The following JPH3 variants were observed in gnomAD, a reference collection of about 807,000 sequenced individuals.
JPH3 encodes the protein junctophilin 3.
Under a neutral mutation model 59.6 loss-of-function variants are expected in JPH3, and 11 were observed. The observed-to-expected ratio is 0.18, with a 90% CI of 0.12 to 0.31. The LOEUF is 0.31. Among genes scored for constraint, JPH3 ranks in the 10% least tolerant of loss-of-function variants. The pLI is 1.00. For synonymous variants in JPH3, 673 were observed against 483.6 expected, an observed-to-expected ratio of 1.39 and a Z score of -5.14; for missense variants, 1,202 against 1,105.7, an observed-to-expected ratio of 1.09 and a Z score of -1.24.
rs762100791 is a variant in JPH3 at position 87,689,796 on chromosome 16, G to C, written c.1436G>C (p.Ser479Thr). 1 of 1,600,410 alleles carries C rather than the reference G, an allele frequency of 6.2e-7. No individual in the cohort carries two copies. The highest frequency in any genetic ancestry group is 8.5e-7 in the Non-Finnish European group (1 of 1,173,232). ...ACCCCCGACGACAGCCCCCTGCAGA[G>C]CTTCCCCACCAGCCCCGCGGCCACC... ...DLTPDDSPLQ[S>T]FPTSPAATPP... Residue 479 changes from serine (S) to threonine (T), a missense_variant, in exon 4 of 5, where the codon AGC (serine) becomes ACC (threonine). By Grantham distance (58) the Ser-to-Thr change is moderately conservative (BLOSUM62 1). Transcript: ENST00000284262.
intron 2 of JPH3, among the ~76,000 whole-genome samples, chr16:87,668,999 C>T (rs931570624): frequency 6.6e-6 from 1 of 152,078 alleles, no homozygotes; most frequent in Non-Finnish European, 1.5e-5. Context: ...GGAGGTCCTG[C>T]GAGGCGAGGC....
At chr16:87,664,117 G>A (rs1410147764) in intron 2 of JPH3, among the ~76,000 whole-genome samples, 1 of 151,954 alleles carries the variant, frequency 6.6e-6, no homozygotes, top group Non-Finnish European at 1.5e-5. Flanking sequence ...GGATCACGAG[G>A]TCAGCAGATT....
chr16:87,690,384 T>C lies in JPH3; in HGVS notation c.2024T>C (p.Val675Ala). Reference sequence around the variant, plus strand: ...CCGGCCTCCTCCGCGGAGCCCGCCGTGCAGAAACTGGCGAGCCTGCGGCTG... The same window carrying C: ...CCGGCCTCCTCCGCGGAGCCCGCCGCGCAGAAACTGGCGAGCCTGCGGCTG... ...FRPASSAEPA[V>A]QKLASLRLGG... is the part of the protein sequence containing the mutation. The change falls in exon 4 of 5, where the codon GTG (valine) becomes GCG (alanine). Residue 675 changes from valine to alanine, a missense_variant. Physicochemically the swap from Val to Ala is moderately conservative, Grantham distance 64. Transcript: ENST00000284262. 1 of 1,527,112 alleles carries C rather than the reference T, an allele frequency of 6.5e-7. No individual in the cohort carries two copies. The highest frequency in any genetic ancestry group is 8.8e-7 in the Non-Finnish European group (1 of 1,139,628). The allele number at this position is 1,527,112 out of a possible 1,614,324, so 94.6% of individuals were successfully genotyped here.
chr16:87,641,514 G>A (rs1319971558), intron 1 of JPH3, among the ~76,000 whole-genome samples: 4 of 152,170 alleles, frequency 2.6e-5, no homozygotes, highest in Admixed American at 6.5e-5. Context: ...CTGACCTCTC[G>A]CTGAGACCAC....
intron 1 of JPH3, among the ~76,000 whole-genome samples, chr16:87,634,521 C>G (rs952039806): frequency 1.8e-4 from 27 of 152,250 alleles, no homozygotes; most frequent in Admixed American, 9.8e-4. Context: ...TTCTCTGCGT[C>G]CCTGCCTCCA....
chr16:87,679,369 T>C (rs2033229451), intron 2 of JPH3, among the ~76,000 whole-genome samples: 1 of 152,310 alleles, frequency 6.6e-6, no homozygotes, highest in Non-Finnish European at 1.5e-5. Context: ...ATCGCAGACC[T>C]CCTGTCTTTA....
At chr16:87,634,450 A>G (rs554626095) in intron 1 of JPH3, among the ~76,000 whole-genome samples, 144 of 152,322 alleles carry the variant, frequency 9.5e-4, no homozygotes, top group Middle Eastern at 3.4e-3. Flanking sequence ...GAGTTCCCTC[A>G]GGGTGGAGGC....
chr16:87,637,353 ATCC>A (rs2031785505), intron 1 of JPH3, among the ~76,000 whole-genome samples: 1 of 151,662 alleles, frequency 6.6e-6, no homozygotes, highest in Non-Finnish European at 1.5e-5. Flanking sequence ...CCCGGCCATC[ATCC>A]GTCTGTCTCT....
At chr16:87,636,116 G>T (rs919721655) in intron 1 of JPH3, among the ~76,000 whole-genome samples, 2 of 152,220 alleles carry the variant, frequency 1.3e-5, no homozygotes, top group Non-Finnish European at 2.9e-5. Context: ...CACACAAGCC[G>T]CCTGTTCTGC....
chr16:87,633,829 A>G (rs2031643422), intron 1 of JPH3, among the ~76,000 whole-genome samples: 1 of 152,080 alleles, frequency 6.6e-6, no homozygotes, highest in African/African-American at 2.4e-5. Context: ...GTTGGTAGTA[A>G]CGATGTAGGG....
chr16:87,637,597 G>A (rs1482209002), intron 1 of JPH3, among the ~76,000 whole-genome samples: 1 of 152,130 alleles, frequency 6.6e-6, no homozygotes, highest in African/African-American at 2.4e-5. Context: ...AGACAAAGCT[G>A]GGTGAGACCC....
At chr16:87,607,097 T>C (rs2030549524) in intron 1 of JPH3, among the ~76,000 whole-genome samples, 2 of 152,202 alleles carry the variant, frequency 1.3e-5, no homozygotes, top group Non-Finnish European at 2.9e-5. Context: ...CTCTCGTTTA[T>C]ATCTCTCGTT....
chr16:87,642,282 T>C (rs995362340), intron 1 of JPH3, among the ~76,000 whole-genome samples: 1 of 151,910 alleles, frequency 6.6e-6, no homozygotes, highest in Admixed American at 6.6e-5. Flanking sequence ...GCTGCTTCGC[T>C]CCGAGAGATG....
chr16:87,647,110 C>T (rs1251308709), intron 2 of JPH3, among the ~76,000 whole-genome samples: 1 of 152,134 alleles, frequency 6.6e-6, no homozygotes, highest in African/African-American at 2.4e-5. Context: ...CCTGGGGCAT[C>T]CAACCTCTTC....
intron 2 of JPH3, among the ~76,000 whole-genome samples, chr16:87,655,576 A>C (rs765294089): frequency 6.6e-6 from 1 of 151,662 alleles, no homozygotes; most frequent in African/African-American, 2.4e-5. Context: ...CTGGTCTCCA[A>C]CTCCTGGCCT....
chr16:87,635,202 C>T (rs2031696875), intron 1 of JPH3, among the ~76,000 whole-genome samples: 1 of 152,132 alleles, frequency 6.6e-6, no homozygotes, highest in African/African-American at 2.4e-5. Context: ...TTCACCTTGC[C>T]CCACCCTGGG....
At chr16:87,661,795 A>T (rs567655699) in intron 2 of JPH3, among the ~76,000 whole-genome samples, 1 of 152,252 alleles carries the variant, frequency 6.6e-6, no homozygotes, top group African/African-American at 2.4e-5. Context: ...GGAACATACA[A>T]TGCTGTGGTT....
At chr16:87,679,143 C>T (rs111691782) in intron 2 of JPH3, among the ~76,000 whole-genome samples, 9,650 of 152,336 alleles carry the variant, frequency 0.063, 423 homozygotes, top group South Asian at 0.15. Context: ...CAGCTGAGAG[C>T]TCCTCGACCT....
chr16:87,661,676 C>T (rs1389292081), intron 2 of JPH3, among the ~76,000 whole-genome samples: 2 of 152,242 alleles, frequency 1.3e-5, no homozygotes, highest in South Asian at 2.1e-4. Flanking sequence ...CACGGGACAG[C>T]CCTGTCCAAG....
Sources: gnomAD v4.1 joint callset for allele counts (sites outside exome capture counted in the v4.1 genomes callset) on GRCh38, gnomAD v4.1.1 for gene constraint, MANE v1.5 for transcripts, NCBI Gene and HGNC (gene_info 2026-07-23, HGNC 2026-07-21) for gene names.